Variants in ARHGEF3 observed in about 807,000 individuals in gnomAD.
ARHGEF3 encodes 59.8 kDA protein.
ARHGEF3 carries 28 observed loss-of-function variants against 63.2 expected under a neutral mutation model. The ratio of observed to expected loss-of-function variants is 0.44; its 90% CI spans 0.33 to 0.61. The LOEUF (loss-of-function observed/expected upper bound fraction) is 0.61, where lower values mean the gene tolerates loss of function less well. ARHGEF3 is among the 20% of genes least tolerant of loss of function. The pLI, the probability that ARHGEF3 is intolerant of heterozygous loss-of-function variation, is 0.03. For synonymous variants in ARHGEF3, 266 were observed against 254.2 expected (o/e 1.05, Z -0.44); for missense variants, 533 against 659.3 (o/e 0.81, Z 2.10).
At chr3:57,072,055 A>C (rs1038176765) in intron 1 of ARHGEF3, among the ~76,000 whole-genome samples, 15 of 152,228 alleles carry the variant, frequency 9.9e-5, no homozygotes, top group Non-Finnish European at 1.6e-4. Flanking sequence ...AATGCAAATC[A>C]AAGTCACAAT....
intron 3 of ARHGEF3, among the ~76,000 whole-genome samples, chr3:56,923,059 TATATATATATATATATAA>T (rs2042187925): frequency 6.5e-5 from 1 of 15,472 alleles, no homozygotes; most frequent in Admixed American, 5.8e-4. Flanking sequence ...TATATATATA[TATATATATATATATATAA>T]ATTAGTTGGG....
intron 3 of ARHGEF3, among the ~76,000 whole-genome samples, chr3:56,896,396 C>A (rs758744369): frequency 6.6e-6 from 1 of 152,122 alleles, no homozygotes; most frequent in South Asian, 2.1e-4. Context: ...GTCCTAAGAA[C>A]AAGGGCATCC....
chr3:56,986,567 G>A (rs1227345429), intron 2 of ARHGEF3, among the ~76,000 whole-genome samples: 1 of 152,206 alleles, frequency 6.6e-6, no homozygotes, highest in Non-Finnish European at 1.5e-5. Context: ...GCAGTTGGGA[G>A]TAAGGGGTTG....
intron 4 of ARHGEF3, among the ~76,000 whole-genome samples, chr3:56,877,533 G>A (rs2040627337): frequency 6.6e-6 from 1 of 151,808 alleles, no homozygotes; most frequent in Non-Finnish European, 1.5e-5. Flanking sequence ...CACCATACCT[G>A]GCTAATTTTT....
intron 2 of ARHGEF3, among the ~76,000 whole-genome samples, chr3:56,987,542 G>A (rs1459080056): frequency 6.6e-6 from 1 of 152,164 alleles, no homozygotes; most frequent in Non-Finnish European, 1.5e-5. Flanking sequence ...AGGGACTCTG[G>A]GGACGGGGTG....
intron 3 of ARHGEF3, among the ~76,000 whole-genome samples, chr3:56,888,277 G>A (rs189312002): frequency 2.6e-5 from 4 of 152,250 alleles, no homozygotes; most frequent in South Asian, 2.1e-4. Flanking sequence ...CCTGACCAAC[G>A]AATCTATCCA....
intron 3 of ARHGEF3, among the ~76,000 whole-genome samples, chr3:56,944,573 T>C (rs931838565): frequency 1.4e-5 from 2 of 141,604 alleles, no homozygotes; most frequent in South Asian, 2.4e-4. Context: ...GGTTTCTTTT[T>C]TTTTTTTTTT....
intron 4 of ARHGEF3, among the ~76,000 whole-genome samples, chr3:56,840,099 T>A (rs2039261521): frequency 6.6e-6 from 1 of 152,288 alleles, no homozygotes. Flanking sequence ...CTTAGGTGGA[T>A]ATTTTTAGCA....
chr3:56,945,904 C>T (rs576006530), intron 3 of ARHGEF3, among the ~76,000 whole-genome samples: 74 of 152,266 alleles, frequency 4.9e-4, no homozygotes, highest in African/African-American at 1.7e-3. Context: ...ACACCTCACA[C>T]GGCCGGGTAC....
intron 1 of ARHGEF3, among the ~76,000 whole-genome samples, chr3:57,063,030 CA>C (rs1331674039): frequency 2.0e-5 from 3 of 152,062 alleles, no homozygotes; most frequent in African/African-American, 7.2e-5. Context: ...GCAATGAAGG[CA>C]AAGGGGAAGT....
In ARHGEF3 at chr3:56,729,117, A is replaced by G; in HGVS notation, c.*153T>C. On this transcript the variant is annotated 3_prime_UTR_variant, in exon 10 of 10. Coordinates refer to ENST00000296315, the MANE Select transcript of ARHGEF3 (RefSeq NM_019555.3). Reference sequence around the variant, plus strand: ...ACACAGACAGATTGGCAGTTACAGTACTAGGGACAAAGGTACAGATACGAG... The same window carrying G: ...ACACAGACAGATTGGCAGTTACAGTGCTAGGGACAAAGGTACAGATACGAG... 1 of 657,020 alleles carries G rather than the reference A, an allele frequency of 1.5e-6. No homozygotes were observed. Among genetic ancestry groups the G allele is most frequent in the Non-Finnish European group, 2.6e-6 (1 of 389,852 alleles). The allele number at this position is 657,020 out of a possible 1,614,324, so 40.7% of individuals were successfully genotyped here. A position where few individuals can be genotyped will look rare whatever the true frequency, so the allele number is the denominator to read the frequency against.
At chr3:56,876,778 G>C (rs1328821373) in intron 4 of ARHGEF3, among the ~76,000 whole-genome samples, 1 of 152,154 alleles carries the variant, frequency 6.6e-6, no homozygotes. Context: ...CACCAGCATA[G>C]AAAAGATGCC....
intron 2 of ARHGEF3, among the ~76,000 whole-genome samples, chr3:56,971,661 C>T (rs1009193671): frequency 6.6e-6 from 1 of 151,710 alleles, no homozygotes; most frequent in African/African-American, 2.4e-5. Flanking sequence ...ACCATCCTGA[C>T]TAACACAGTA....
At chr3:56,910,423 A>G (rs1010182886) in intron 3 of ARHGEF3, among the ~76,000 whole-genome samples, 1 of 152,230 alleles carries the variant, frequency 6.6e-6, no homozygotes, top group Non-Finnish European at 1.5e-5. Flanking sequence ...ACTGGACCTC[A>G]GATGCTCAGA....
chr3:56,906,754 T>C (rs909457959), intron 3 of ARHGEF3, among the ~76,000 whole-genome samples: 1 of 151,160 alleles, frequency 6.6e-6, no homozygotes, highest in African/African-American at 2.4e-5. Flanking sequence ...GAGAATCACT[T>C]GAACCTGCGA....
chr3:56,933,608 C>G (rs1424655460), intron 3 of ARHGEF3, among the ~76,000 whole-genome samples: 1 of 151,968 alleles, frequency 6.6e-6, no homozygotes, highest in Non-Finnish European at 1.5e-5. Flanking sequence ...TTTGTAGAGA[C>G]AGGATTTCAC....
At chr3:56,888,734 C>T (rs1437044578) in intron 3 of ARHGEF3, among the ~76,000 whole-genome samples, 1 of 152,062 alleles carries the variant, frequency 6.6e-6, no homozygotes, top group African/African-American at 2.4e-5. Flanking sequence ...GAAACCCCGT[C>T]TCTACTAAAA....
At chr3:56,836,898 G>C (rs1052445217) in intron 4 of ARHGEF3, among the ~76,000 whole-genome samples, 4 of 152,114 alleles carry the variant, frequency 2.6e-5, no homozygotes, top group Non-Finnish European at 5.9e-5. Context: ...CTGCACTCCA[G>C]CCTGGGTAAC....
At chr3:56,783,157 A>G (rs2036640136) in intron 1 of ARHGEF3, among the ~76,000 whole-genome samples, 1 of 152,120 alleles carries the variant, frequency 6.6e-6, no homozygotes, top group African/African-American at 2.4e-5. Context: ...CCCTGCCCAA[A>G]CCAGCTTCCT....
Sources: allele counts gnomAD v4.1 joint callset (sites outside exome capture counted in the v4.1 genomes callset), GRCh38; gene constraint gnomAD v4.1.1; transcripts MANE v1.5; gene names NCBI Gene and HGNC (gene_info 2026-07-23, HGNC 2026-07-21).